The following FAM90A20 variants were observed in gnomAD, a reference collection of about 807,000 sequenced individuals.
FAM90A20 encodes the protein protein FAM90A20.
the FAM90A20 span, chr8:7,297,859 G>C: frequency 1.8e-4 from 150 of 841,628 alleles, 8 homozygotes; most frequent in Admixed American, 2.3e-4. Context: ...GCCTCCTGGC[G>C]GCCCCCTCAT....
the FAM90A20 span, among the ~76,000 whole-genome samples, chr8:7,296,907 A>C: frequency 2.2e-5 from 3 of 136,804 alleles, no homozygotes; most frequent in Non-Finnish European, 4.5e-5. Context: ...CCTGATCAGC[A>C]CTCAGGTGGA....
the FAM90A20 span, chr8:7,296,438 G>T: frequency 5.6e-6 from 4 of 716,464 alleles, no homozygotes; most frequent in Non-Finnish European, 1.0e-5. Context: ...TATCCTCTAG[G>T]TAACCCTGGT....
the FAM90A20 span, chr8:7,296,969 C>G: frequency 1.8e-6 from 2 of 1,125,806 alleles, 1 homozygote; most frequent in South Asian, 2.7e-5. Context: ...CTAAGAATTT[C>G]ATGGTGTGTG....
chr8:7,297,257 A>T, the FAM90A20 span: 3 of 1,442,220 alleles, frequency 2.1e-6, no homozygotes, highest in South Asian at 2.3e-5. Flanking sequence ...TGCCGCCGAC[A>T]TCCCTCGGCC....
At chr8:7,297,748 C>G in the FAM90A20 span, 43 of 1,484,098 alleles carry the variant, frequency 2.9e-5, 2 homozygotes, top group South Asian at 4.2e-4. Flanking sequence ...TGCCTACTGC[C>G]CAGGCCTGCA....
chr8:7,296,244 T>G, the FAM90A20 span: 1,130 of 684,770 alleles, frequency 1.7e-3, 145 homozygotes, highest in East Asian at 0.026. Context: ...CCCTGTCTCC[T>G]GGGGAAAACC....
At chr8:7,296,061 C>G in the FAM90A20 span, among the ~76,000 whole-genome samples, 2 of 130,110 alleles carry the variant, frequency 1.5e-5, no homozygotes, top group Non-Finnish European at 3.1e-5. Context: ...TTCCCCACGA[C>G]AGGGGGAAAA....
chr8:7,297,359 G>T, the FAM90A20 span: 1 of 1,437,226 alleles, frequency 7.0e-7, no homozygotes, highest in Non-Finnish European at 9.6e-7. Flanking sequence ...TCCCCAGGCT[G>T]CCTCCAAAAC....
the FAM90A20 span, chr8:7,296,256 G>T: frequency 2.9e-6 from 2 of 695,824 alleles, no homozygotes; most frequent in East Asian, 2.7e-5. Flanking sequence ...GGGAAAACCA[G>T]GGGGCACGGC....
At chr8:7,296,436 A>C in the FAM90A20 span, 1 of 718,538 alleles carries the variant, frequency 1.4e-6, no homozygotes, top group Non-Finnish European at 2.5e-6. Context: ...TTTATCCTCT[A>C]GGTAACCCTG....
chr8:7,295,901 C>T, the FAM90A20 span: 5 of 613,796 alleles, frequency 8.1e-6, 1 homozygote, highest in Admixed American at 7.1e-5. Flanking sequence ...TCTGCACCTG[C>T]ACACCGTGTG....
chr8:7,295,912 C>T, the FAM90A20 span: 457 of 593,216 alleles, frequency 7.7e-4, 29 homozygotes, highest in East Asian at 0.013. Flanking sequence ...ACACCGTGTG[C>T]CTTTCCGTCT....
the FAM90A20 span, chr8:7,296,177 G>T: frequency 6.2e-6 from 4 of 646,930 alleles, no homozygotes; most frequent in Non-Finnish European, 1.1e-5. Flanking sequence ...AAGGGCACCA[G>T]ATTTCCATTT....
chr8:7,297,499 C>T, the FAM90A20 span: 3 of 1,521,470 alleles, frequency 2.0e-6, no homozygotes, highest in Non-Finnish European at 8.9e-7. Context: ...GGTCAGGAGC[C>T]AAGAGACCTG....
the FAM90A20 span, chr8:7,297,421 G>T: frequency 3.2e-6 from 5 of 1,553,986 alleles, 1 homozygote; most frequent in Non-Finnish European, 2.6e-6. Flanking sequence ...AACGTCCTGC[G>T]GTGACCTCAC....
At chr8:7,297,858 C>A in the FAM90A20 span, 48 of 841,122 alleles carry the variant, frequency 5.7e-5, 5 homozygotes, top group Non-Finnish European at 6.6e-5. Flanking sequence ...AGCCTCCTGG[C>A]GGCCCCCTCA....
At chr8:7,297,894 C>G in the FAM90A20 span, 12 of 747,008 alleles carry the variant, frequency 1.6e-5, 1 homozygote, top group African/African-American at 5.5e-5. Context: ...AAGCCGGGAG[C>G]CTTCCTCGCT....
chr8:7,295,744 G>C, the FAM90A20 span: 1 of 1,186,296 alleles, frequency 8.4e-7, no homozygotes, highest in South Asian at 1.2e-5. Flanking sequence ...AGGAAGGGAA[G>C]GAAAACCTGA....
At chr8:7,297,199 T>A in the FAM90A20 span, 3 of 1,527,736 alleles carry the variant, frequency 2.0e-6, no homozygotes, top group Admixed American at 3.4e-5. Flanking sequence ...GAAAAGCCAG[T>A]CTGAGCTCCT....
Sources: gnomAD v4.1 joint callset for allele counts (sites outside exome capture counted in the v4.1 genomes callset) on GRCh38, gnomAD v4.1.1 for gene constraint, MANE v1.5 for transcripts, NCBI Gene and HGNC (gene_info 2026-07-23, HGNC 2026-07-21) for gene names.